Variants in EZH1 observed in about 807,000 individuals in gnomAD.
The protein encoded by EZH1 is enhancer of zeste 1 polycomb repressive complex 2 subunit.
A neutral mutation model predicts 100.5 loss-of-function variants in EZH1; 33 were observed. The ratio of observed to expected loss-of-function variants is 0.33; its 90% CI spans 0.25 to 0.44. The LOEUF (loss-of-function observed/expected upper bound fraction) is 0.44. Among genes scored for constraint, EZH1 ranks in the 20% least tolerant of loss-of-function variants. The pLI, the probability that EZH1 is intolerant of heterozygous loss-of-function variation, is 1.00. For missense variants in EZH1, 475 were observed against 928.4 expected (o/e 0.51, Z 6.35); for synonymous variants, 272 against 313.8 (o/e 0.87, Z 1.41).
intron 1 of EZH1, among the ~76,000 whole-genome samples, chr17:42,744,423 A>T (rs952299097): frequency 2.0e-5 from 3 of 152,112 alleles, no homozygotes; most frequent in Non-Finnish European, 4.4e-5. Context: ...GAGGCGACCG[A>T]GGCACCCAGG....
At chr17:42,712,622 G>T in intron 11 of EZH1, 137 bp from the exon 12 acceptor site, 1 of 898,470 alleles carries the variant, frequency 1.1e-6, no homozygotes, top group Non-Finnish European at 1.7e-6. Flanking sequence ...CTATCTTTAG[G>T]CCAGGCATGG....
rs556107240 is a variant in EZH1, at chr17:42,702,360, T to C, written c.*172A>G. On this transcript the variant is annotated 3_prime_UTR_variant, in exon 21 of 21. Coordinates refer to ENST00000428826, the MANE Select transcript of EZH1 (RefSeq NM_001991.5). ...CTAGCTGCCTCTGTCTCCCCTCTCA[T>C]TGAGACAGTTTTGTGCCCTCTGGAC... The C allele has an allele frequency of 7.9e-5, 41 of 518,978 alleles. No individual in the cohort carries two copies. Among genetic ancestry groups the C allele is most frequent in the Middle Eastern group, 1.1e-3 (2 of 1,886 alleles). The allele number at this position is 518,978 out of a possible 1,614,324, so 32.1% of individuals were successfully genotyped here.
At chr17:42,722,113 C>A (rs1431530144) in intron 6 of EZH1, among the ~76,000 whole-genome samples, 1 of 138,014 alleles carries the variant, frequency 7.2e-6, no homozygotes, top group Non-Finnish European at 1.5e-5. Context: ...TGTGCCACTG[C>A]GCTCCAGCCT....
intron 12 of EZH1, 126 bp from the exon 13 acceptor site, chr17:42,710,063 AGG>A: frequency 1.4e-6 from 1 of 720,222 alleles, no homozygotes; most frequent in South Asian, 1.6e-5. Flanking sequence ...CTCATCAGTC[AGG>A]GAGAGACAGA....
chr17:42,737,140 C>CGCGG, intron 1 of EZH1, among the ~76,000 whole-genome samples: 1 of 152,196 alleles, frequency 6.6e-6, no homozygotes, highest in East Asian at 1.9e-4. Context: ...CACATGCCAC[C>CGCGG]GCGCCGAGCT....
rs532006849 is a variant in EZH1, at chr17:42,702,540, C to T, written c.2236G>A (p.Val746Ile). ...KYVGIERETD[V>I]L The stretch of plus-strand genomic sequence containing the variant: ...CGTGGGGCCTGGGAGGGCTAAAGGA[C>T]GTCGGTCTCCCTCTCGATCCCCACG... Residue 746 changes from valine to isoleucine, a missense_variant, in exon 21 of 21, where the codon GTC becomes ATC. Transcript: ENST00000428826. 13 of 1,562,458 alleles carry T rather than the reference C, an allele frequency of 8.3e-6. No homozygotes were observed. Among genetic ancestry groups the T allele is most frequent in the South Asian group, 5.9e-5 (5 of 85,014 alleles).
chr17:42,720,033 A>G (rs1000607089), intron 7 of EZH1, among the ~76,000 whole-genome samples: 8 of 152,252 alleles, frequency 5.3e-5, no homozygotes, highest in African/African-American at 1.9e-4. Context: ...GCATGATCCC[A>G]ATTTCACATG....
chr17:42,713,256 CCTT>C lies in EZH1; in HGVS notation c.1154_1156del (p.Glu385del). 1 of 1,614,038 alleles carries C rather than the reference CCTT, an allele frequency of 6.2e-7. No homozygotes were observed. The highest frequency in any genetic ancestry group is 1.1e-5 in the South Asian group (1 of 91,054). ...ATTGCCTGTGTCCCTGTCACTGTCT[CCTT>C]CTTTAGTCTCAGCCACAGCAGAGGC... On this transcript the variant is annotated inframe_deletion, in exon 11 of 21. Transcript: ENST00000428826.
intron 4 of EZH1, among the ~76,000 whole-genome samples, chr17:42,726,605 G>A (rs988627354): frequency 5.9e-5 from 9 of 151,502 alleles, no homozygotes; most frequent in Non-Finnish European, 1.2e-4. Context: ...TCCACCTCCC[G>A]GGTTCAAGCA....
chr17:42,717,789 C>CTAACTTTA (rs1298093467), intron 10 of EZH1, among the ~76,000 whole-genome samples, 187 bp downstream of exon 10: 2 of 152,204 alleles, frequency 1.3e-5, no homozygotes, highest in African/African-American at 4.8e-5. Context: ...CTCCATCAGA[C>CTAACTTTA]TAACTTTATA....
chr17:42,721,075 G>T (rs958189970), intron 6 of EZH1, among the ~76,000 whole-genome samples: 2 of 152,222 alleles, frequency 1.3e-5, no homozygotes, highest in Non-Finnish European at 2.9e-5. Context: ...ATAATAAAAT[G>T]AAAATTCTCT....
chr17:42,703,020 A>T (rs2143702009), intron 19 of EZH1, 59 bp from the exon 20 acceptor site: 3 of 1,530,742 alleles, frequency 2.0e-6, no homozygotes, highest in East Asian at 4.5e-5. Context: ...AATAACCAGT[A>T]GGCTTCTGGG....
At chr17:42,741,561 A>G (rs2054176896) in intron 1 of EZH1, among the ~76,000 whole-genome samples, 1 of 152,248 alleles carries the variant, frequency 6.6e-6, no homozygotes, top group African/African-American at 2.4e-5. Flanking sequence ...AGATATACTT[A>G]ATGACATGAA....
At chr17:42,713,501 C>CA in intron 10 of EZH1, 112 bp from the exon 11 acceptor site, 3 of 999,312 alleles carry the variant, frequency 3.0e-6, no homozygotes, top group Non-Finnish European at 4.2e-6. Flanking sequence ...AGTGTCTTTT[C>CA]TTTTTCTCTG....
chr17:42,705,451 G>A (rs1376763829), intron 16 of EZH1: 2 of 311,220 alleles, frequency 6.4e-6, no homozygotes, highest in Admixed American at 4.7e-5. Flanking sequence ...CAATGTGTGA[G>A]GTAAACATAG....
In EZH1 at chr17:42,701,213, C is replaced by G. The variant is rs1424245847; in HGVS notation, c.*1319G>C. ...GAGAATCTCCCACCCTCTCTTCTTC[C>G]CCCTCCCTCAGGAGTGGGATTTAGG... On this transcript the variant is annotated 3_prime_UTR_variant, in exon 21 of 21. Coordinates refer to ENST00000428826, the MANE Select transcript of EZH1 (RefSeq NM_001991.5). The G allele has an allele frequency of 6.5e-6, 1 of 152,802 alleles. No homozygotes were observed. The highest frequency in any genetic ancestry group is 1.5e-5 in the Non-Finnish European group (1 of 68,058). 9.5% of individuals were successfully genotyped at this position (152,802 alleles called of 1,614,324 possible).
Position 42,700,823 on chromosome 17 carries a change from G to A in EZH1, c.*1709C>T, listed in dbSNP as rs9766. On this transcript the variant is annotated 3_prime_UTR_variant, in exon 21 of 21. Transcript: ENST00000428826. ...TCAGGAGTTGCTGGGTGCGGGGTAC[G>A]TGTGTGCCCTCCAGTGTGGTGAGTG... is the stretch of plus-strand genomic sequence containing the variant. 0.45 allele frequency: 68,342 copies of A among 152,368 alleles called. 15,858 individuals are homozygous for A. The highest frequency in any genetic ancestry group is 0.53 in the Non-Finnish European group (35,994 of 68,100). 9.4% of individuals were successfully genotyped at this position (152,368 alleles called of 1,614,324 possible). A position where few individuals can be genotyped will look rare whatever the true frequency, so the allele number is the denominator to read the frequency against.
chr17:42,707,082 C>A (rs973117921), intron 15 of EZH1, among the ~76,000 whole-genome samples: 1 of 152,066 alleles, frequency 6.6e-6, no homozygotes, highest in African/African-American at 2.4e-5. Flanking sequence ...GATAAGTACC[C>A]GGATGTCTCT....
chr17:42,733,194 G>A (rs908342873), intron 1 of EZH1, among the ~76,000 whole-genome samples: 3 of 151,472 alleles, frequency 2.0e-5, no homozygotes, highest in South Asian at 2.1e-4. Flanking sequence ...AAAATTAGCC[G>A]GGCGTGGTGG....
Sources: gnomAD v4.1 joint callset for allele counts (sites outside exome capture counted in the v4.1 genomes callset) on GRCh38, gnomAD v4.1.1 for gene constraint, MANE v1.5 for transcripts, NCBI Gene and HGNC (gene_info 2026-07-23, HGNC 2026-07-21) for gene names.